FAM184A: variants seen among roughly 807,000 people sequenced by gnomAD.
The protein encoded by FAM184A is family with sequence similarity 184 member A.
FAM184A carries 99 observed loss-of-function variants against 143.8 expected under a neutral mutation model. The observed-to-expected ratio is 0.69, with a 90% CI of 0.58 to 0.81. The LOEUF (loss-of-function observed/expected upper bound fraction) is 0.81. FAM184A is among the 40% of genes least tolerant of loss of function. The probability of loss-of-function intolerance (pLI) is 0.00; values close to 1 mark genes in which losing one functional copy is unlikely to be tolerated. For synonymous variants in FAM184A, 427 were observed against 446.4 expected, an observed-to-expected ratio of 0.96 and a Z score of 0.55; for missense variants, 1,217 against 1,310.5, an observed-to-expected ratio of 0.93 and a Z score of 1.10.
intron 1 of FAM184A, among the ~76,000 whole-genome samples, chr6:119,034,036 AT>A (rs1786009144): frequency 3.8e-5 from 1 of 26,622 alleles, no homozygotes; most frequent in African/African-American, 1.3e-4. Context: ...ATATATATAT[AT>A]ATATAGAGAG....
intron 1 of FAM184A, among the ~76,000 whole-genome samples, chr6:119,072,240 G>A (rs750976897): frequency 1.3e-5 from 2 of 151,864 alleles, no homozygotes; most frequent in Non-Finnish European, 2.9e-5. Flanking sequence ...TAATTAACAG[G>A]ATACTATGCT....
intron 1 of FAM184A, among the ~76,000 whole-genome samples, chr6:119,053,864 G>A (rs1276686874): frequency 3.9e-5 from 6 of 152,180 alleles, no homozygotes; most frequent in South Asian, 4.1e-4. Context: ...TCTTAGAGAA[G>A]CGTCTGTGTT....
chr6:119,046,907 T>C (rs1055089788), intron 1 of FAM184A, among the ~76,000 whole-genome samples: 3 of 152,166 alleles, frequency 2.0e-5, no homozygotes, highest in Admixed American at 2.0e-4. Context: ...AAAAAGCTTC[T>C]GCACAGCAAA....
intron 1 of FAM184A, among the ~76,000 whole-genome samples, chr6:119,136,817 G>C (rs1408869028): frequency 1.3e-5 from 2 of 152,232 alleles, no homozygotes; most frequent in African/African-American, 4.8e-5. Context: ...CAAGAGAAAA[G>C]TATGGCATAA....
intron 9 of FAM184A, among the ~76,000 whole-genome samples, chr6:118,990,970 A>G: frequency 6.6e-6 from 1 of 152,006 alleles, no homozygotes; most frequent in Admixed American, 6.6e-5. Context: ...TACAGAGTTG[A>G]GTAAGATGTA....
At chr6:119,027,047 C>T (rs1436110815) in intron 1 of FAM184A, among the ~76,000 whole-genome samples, 4 of 152,180 alleles carry the variant, frequency 2.6e-5, no homozygotes, top group Non-Finnish European at 5.9e-5. Flanking sequence ...ACCCCCTTAT[C>T]TAACTAAACT....
intron 9 of FAM184A, among the ~76,000 whole-genome samples, chr6:118,995,057 TC>T (rs1314828684): frequency 1.3e-5 from 2 of 152,164 alleles, no homozygotes; most frequent in African/African-American, 2.4e-5. Flanking sequence ...ATTTCTAACT[TC>T]CTTGAAACAA....
At chr6:119,103,729 C>A (rs970743638) in intron 1 of FAM184A, among the ~76,000 whole-genome samples, 1 of 151,790 alleles carries the variant, frequency 6.6e-6, no homozygotes, top group Admixed American at 6.6e-5. Context: ...AGATTGAGAC[C>A]ATCCTGGGCC....
At position 119,087,409 on chromosome 6, in the gene FAM184A, A is replaced by G. The variant is rs1449491639; in HGVS notation, c.-202+61669T>C. Among the ~76,000 whole-genome samples the G allele has an allele frequency of 2.6e-5, 4 of 152,208 alleles. No individual in the cohort carries two copies. The East Asian group carries it at 7.7e-4, about 29-fold the overall frequency. On this transcript the variant is annotated intron_variant, in intron 1 of 16. Transcript: ENST00000352896. Reference sequence around the variant, plus strand: ...ACTCAACACAAAAAGCAAATAACCCAATTAAAATATGGACAAAGGACTTGA... The same window carrying G: ...ACTCAACACAAAAAGCAAATAACCCGATTAAAATATGGACAAAGGACTTGA...
upstream of FAM184A, among the ~76,000 whole-genome samples, chr6:119,080,772 A>G (rs1582597739): frequency 1.3e-5 from 2 of 152,098 alleles, no homozygotes; most frequent in Admixed American, 1.3e-4. Flanking sequence ...TTAGATTTTG[A>G]GTTTTCAGAT....
At chr6:118,978,179 T>C (rs1425287677) in intron 11 of FAM184A, among the ~76,000 whole-genome samples, 1 of 152,144 alleles carries the variant, frequency 6.6e-6, no homozygotes, top group Non-Finnish European at 1.5e-5. Flanking sequence ...GTCAGGCTGA[T>C]CTCAAAATCC....
intron 1 of FAM184A, among the ~76,000 whole-genome samples, chr6:119,130,591 A>AT (rs1446624093): frequency 6.6e-6 from 1 of 152,222 alleles, no homozygotes; most frequent in Non-Finnish European, 1.5e-5. Flanking sequence ...CCCAAGTGAT[A>AT]TAAAAAAATT....
intron 9 of FAM184A, among the ~76,000 whole-genome samples, chr6:118,982,569 T>C (rs1297179623): frequency 6.6e-6 from 1 of 152,256 alleles, no homozygotes. Flanking sequence ...AGAATGGACA[T>C]GTTTTTCTGC....
chr6:118,982,437 C>T (rs567973730), intron 9 of FAM184A, among the ~76,000 whole-genome samples: 14 of 152,306 alleles, frequency 9.2e-5, no homozygotes, highest in Admixed American at 5.2e-4. Flanking sequence ...GGGTGTGTCA[C>T]ATGCAGAATA....
In FAM184A at chr6:118,980,318, C is replaced by T; in HGVS notation, c.2121G>A (p.Gln707=). ...ISLLKQNLEI[Q]LSQSQTSLQQ... Reference sequence around the variant, plus strand: ...GCAAAGAAGTCTGAGACTGGGAAAGCTGTATCTCCAGATTCTGTTTCAGCA... The same window carrying T: ...GCAAAGAAGTCTGAGACTGGGAAAGTTGTATCTCCAGATTCTGTTTCAGCA... The change falls in exon 10 of 18, where the codon CAG becomes CAA. Residue 707 remains glutamine (Q), a synonymous_variant. Transcript: ENST00000338891. 1 of 1,613,904 alleles carries T rather than the reference C, an allele frequency of 6.2e-7. No individual in the cohort carries two copies. The highest frequency in any genetic ancestry group is 1.1e-5 in the South Asian group (1 of 91,052).
intron 1 of FAM184A, among the ~76,000 whole-genome samples, chr6:119,147,691 A>T (rs569617269): frequency 6.6e-6 from 1 of 152,338 alleles, no homozygotes; most frequent in African/African-American, 2.4e-5. Context: ...CTGAACAATA[A>T]CTTCTGTAAC....
intron 7 of FAM184A, 44 bp from the exon 8 acceptor site, chr6:119,003,666 A>T: frequency 6.4e-7 from 1 of 1,556,896 alleles, no homozygotes; most frequent in Non-Finnish European, 8.7e-7. Flanking sequence ...CTTCAAAAAC[A>T]AACACTGCTG....
At chr6:119,003,361 A>C in intron 8 of FAM184A, 140 bp downstream of exon 8, 1 of 868,856 alleles carries the variant, frequency 1.2e-6, no homozygotes, top group Non-Finnish European at 1.6e-6. Context: ...AAATAAATCC[A>C]ATTTCTCTGT....
chr6:119,122,084 C>T (rs1481073517), intron 1 of FAM184A, among the ~76,000 whole-genome samples: 1 of 152,074 alleles, frequency 6.6e-6, no homozygotes, highest in Non-Finnish European at 1.5e-5. Context: ...CTTTTTAGTG[C>T]AACTCTTTTC....
Sources: gnomAD v4.1 joint callset for allele counts (sites outside exome capture counted in the v4.1 genomes callset) on GRCh38, gnomAD v4.1.1 for gene constraint, MANE v1.5 for transcripts, NCBI Gene and HGNC (gene_info 2026-07-23, HGNC 2026-07-21) for gene names.